SULT2B1: variants seen among roughly 807,000 people sequenced by gnomAD.
SULT2B1 encodes sulfotransferase 2B1.
A neutral mutation model predicts 33.2 loss-of-function variants in SULT2B1; 16 were observed. The ratio of observed to expected loss-of-function variants is 0.48; its 90% CI spans 0.33 to 0.73. The LOEUF (loss-of-function observed/expected upper bound fraction) is 0.73. Among genes scored for constraint, SULT2B1 ranks in the 30% least tolerant of loss-of-function variants. The pLI is 0.02. For missense variants in SULT2B1, 500 were observed against 506.0 expected (o/e 0.99, Z 0.11); for synonymous variants, 186 against 200.5 (o/e 0.93, Z 0.61).
At chr19:48,583,400 G>C (rs1973519941) in intron 2 of SULT2B1, among the ~76,000 whole-genome samples, 2 of 152,176 alleles carry the variant, frequency 1.3e-5, no homozygotes, top group Admixed American at 6.6e-5. Flanking sequence ...GTACACCAAT[G>C]TTCATAGCCA....
intron 3 of SULT2B1, among the ~76,000 whole-genome samples, chr19:48,589,924 G>GCACAAGGA (rs1426522070): frequency 2.0e-5 from 3 of 152,196 alleles, no homozygotes; most frequent in African/African-American, 7.2e-5. Context: ...TGTGCCACAG[G>GCACAAGGA]CACTCCAGCC....
intron 1 of SULT2B1, among the ~76,000 whole-genome samples, chr19:48,554,045 T>C (rs1188224418): frequency 6.6e-6 from 1 of 152,050 alleles, no homozygotes; most frequent in Non-Finnish European, 1.5e-5. Context: ...GTGGGTGACC[T>C]TGGTTTAGTC....
At chr19:48,581,442 GGATT>G (rs1447641640) in intron 2 of SULT2B1, among the ~76,000 whole-genome samples, 1 of 146,274 alleles carries the variant, frequency 6.8e-6, no homozygotes, top group African/African-American at 2.5e-5. Context: ...CTTTTGAATT[GGATT>G]GTTTTCTTAT....
At chr19:48,577,203 TTTTTATTTTA>T (rs773924047) in intron 2 of SULT2B1, among the ~76,000 whole-genome samples, 1 of 150,666 alleles carries the variant, frequency 6.6e-6, no homozygotes, top group African/African-American at 2.4e-5. Flanking sequence ...CGGCTACTTC[TTTTTATTTTA>T]TTTTATTTTA....
At chr19:48,561,463 TA>T (rs1973179055) in intron 1 of SULT2B1, among the ~76,000 whole-genome samples, 1 of 82,664 alleles carries the variant, frequency 1.2e-5, no homozygotes, top group Non-Finnish European at 3.4e-5. Context: ...ATAAAATAAA[TA>T]AATTAATTAA....
chr19:48,562,377 ACT>A (rs2147599955), intron 1 of SULT2B1, among the ~76,000 whole-genome samples: 1 of 149,314 alleles, frequency 6.7e-6, no homozygotes. Context: ...CAAGAGCGAA[ACT>A]CTGTCTCAAA....
At chr19:48,595,336 G>A (rs1024442994) in intron 5 of SULT2B1, among the ~76,000 whole-genome samples, 1 of 151,756 alleles carries the variant, frequency 6.6e-6, no homozygotes, top group Non-Finnish European at 1.5e-5. Context: ...AGGGACCTGA[G>A]CTCCTCTCTG....
intron 5 of SULT2B1, among the ~76,000 whole-genome samples, chr19:48,594,045 G>A (rs1235826243): frequency 6.6e-6 from 1 of 151,810 alleles, no homozygotes; most frequent in Non-Finnish European, 1.5e-5. Flanking sequence ...GATCACCTGA[G>A]CTCAGGAGTT....
Position 48,575,996 on chromosome 19 carries a change from C to T in SULT2B1, c.127C>T (p.Leu43=). The T allele has an allele frequency of 6.2e-7, 1 of 1,613,996 alleles. No individual in the cohort carries two copies. Among genetic ancestry groups the T allele is most frequent in the Non-Finnish European group, 8.5e-7 (1 of 1,179,940 alleles). The stretch of plus-strand genomic sequence containing the variant: ...CAAGGGCGTCCCCTTCCCCGTCGGC[C>T]TGTACTCGCTCGAGAGCATCAGCTT... ...RYKGVPFPVG[L]YSLESISLAE... is the part of the protein sequence containing the mutation. The change falls in exon 2 of 7, where the codon CTG becomes TTG. Residue 43 remains leucine (L), a synonymous_variant. Transcript: ENST00000201586.
At chr19:48,577,341 C>CCGGTCAATA in intron 2 of SULT2B1, among the ~76,000 whole-genome samples, 1 of 138,332 alleles carries the variant, frequency 7.2e-6, no homozygotes, top group Admixed American at 7.5e-5. Context: ...AGGTGTGAGC[C>CCGGTCAATA]ACTGAGCCGT....
intron 2 of SULT2B1, among the ~76,000 whole-genome samples, chr19:48,580,874 T>C (rs1973476919): frequency 6.6e-6 from 1 of 152,034 alleles, no homozygotes; most frequent in African/African-American, 2.4e-5. Context: ...AGTGCTGGGA[T>C]TACAGGCATG....
At chr19:48,593,869 G>A (rs10411304) in intron 5 of SULT2B1, among the ~76,000 whole-genome samples, 25,419 of 150,470 alleles carry the variant, frequency 0.17, 2,290 homozygotes, top group African/African-American at 0.22. Flanking sequence ...CCTGACCTCA[G>A]GTGATCCACC....
At chr19:48,553,039 G>T (rs1973049707) in intron 1 of SULT2B1, among the ~76,000 whole-genome samples, 1 of 152,152 alleles carries the variant, frequency 6.6e-6, no homozygotes, top group Non-Finnish European at 1.5e-5. Flanking sequence ...AGAGCCTGTG[G>T]TTTCTCCTGC....
chr19:48,588,490 CA>C (rs200118890), intron 3 of SULT2B1, among the ~76,000 whole-genome samples: 7,796 of 149,554 alleles, frequency 0.052, 668 homozygotes, highest in African/African-American at 0.18. Flanking sequence ...CCAGCCTGGG[CA>C]ACAAAAGCAA....
intron 1 of SULT2B1, among the ~76,000 whole-genome samples, chr19:48,574,480 G>T (rs1232461206): frequency 6.6e-6 from 1 of 152,160 alleles, no homozygotes; most frequent in Non-Finnish European, 1.5e-5. Context: ...GTCTTTTCTT[G>T]TTGGCATCTG....
chr19:48,579,570 C>T (rs1973457197), intron 2 of SULT2B1, among the ~76,000 whole-genome samples: 1 of 148,520 alleles, frequency 6.7e-6, no homozygotes, highest in African/African-American at 2.5e-5. Flanking sequence ...GCACGAGCCA[C>T]CGCGCCCGGC....
chr19:48,578,647 C>T (rs1292605162), intron 2 of SULT2B1, among the ~76,000 whole-genome samples: 1 of 152,034 alleles, frequency 6.6e-6, no homozygotes, highest in East Asian at 1.9e-4. Flanking sequence ...GAGGCTGAGG[C>T]GGGTGGATCA....
At chr19:48,568,680 C>T (rs1294303760) in intron 1 of SULT2B1, among the ~76,000 whole-genome samples, 1 of 152,164 alleles carries the variant, frequency 6.6e-6, no homozygotes, top group East Asian at 1.9e-4. Context: ...GCATTGAACC[C>T]AGCTCAGGCT....
intron 1 of SULT2B1, among the ~76,000 whole-genome samples, chr19:48,561,430 A>AAGAT (rs1973177314): frequency 6.6e-6 from 1 of 151,050 alleles, no homozygotes; most frequent in Non-Finnish European, 1.5e-5. Context: ...ACACTGTCTC[A>AAGAT]AAATAAATAA....
Sources: gnomAD v4.1 joint callset for allele counts (sites outside exome capture counted in the v4.1 genomes callset) on GRCh38, gnomAD v4.1.1 for gene constraint, MANE v1.5 for transcripts, NCBI Gene and HGNC (gene_info 2026-07-23, HGNC 2026-07-21) for gene names.